The following ACACA variants were observed in gnomAD, a reference collection of about 807,000 sequenced individuals.
The protein encoded by ACACA is acetyl-CoA carboxylase 1.
In ACACA, 103 loss-of-function variants were observed where a neutral mutation model predicts 296.1. The observed-to-expected ratio is 0.35, with a 90% CI of 0.30 to 0.41. The LOEUF (loss-of-function observed/expected upper bound fraction) is 0.41, where lower values mean the gene tolerates loss of function less well. ACACA is among the 10% of genes least tolerant of loss of function. The pLI is 1.00. For missense variants in ACACA, 1,554 were observed against 2,989.7 expected, an observed-to-expected ratio of 0.52 and a Z score of 11.20; for synonymous variants, 953 against 1,038.6, an observed-to-expected ratio of 0.92 and a Z score of 1.58.
chr17:37,336,494 C>T (rs1183004504), intron 2 of ACACA, among the ~76,000 whole-genome samples: 3 of 152,162 alleles, frequency 2.0e-5, no homozygotes, highest in Non-Finnish European at 4.4e-5. Flanking sequence ...AGAGAGCTCA[C>T]TAAAATGCTA....
chr17:37,371,355 C>T (rs1402526491), intron 1 of ACACA, among the ~76,000 whole-genome samples: 10 of 151,852 alleles, frequency 6.6e-5, no homozygotes, highest in East Asian at 3.9e-4. Flanking sequence ...CTGGGATACA[C>T]GCATGAGCCA....
At position 37,235,021 on chromosome 17, in the gene ACACA, G is replaced by C. The variant is rs773768828; in HGVS notation, c.3200C>G (p.Ser1067Cys). ...ATTCTTCTTGGTGACTTGAGCGTGA[G>C]AGAAGATGTAGTTCAGTACAGTGTT... ...DMNTVLNYIF[S>C]HAQVTKKNLL... Residue 1067 changes from serine to cysteine, a missense_variant, in exon 25 of 56, where the codon TCT becomes TGT. Transcript: ENST00000616317. 4 of 1,613,858 alleles carry C rather than the reference G, an allele frequency of 2.5e-6. No homozygotes were observed. In the East Asian group the frequency reaches 8.9e-5, roughly 36 times the overall value.
chr17:37,169,855 T>G (rs1377679657), intron 41 of ACACA, among the ~76,000 whole-genome samples: 1 of 152,146 alleles, frequency 6.6e-6, no homozygotes, highest in Non-Finnish European at 1.5e-5. Context: ...GACTAAGAGC[T>G]GAAGGAAGAT....
At chr17:37,169,067 G>T (rs2076791818) in intron 41 of ACACA, among the ~76,000 whole-genome samples, 2 of 152,160 alleles carry the variant, frequency 1.3e-5, no homozygotes, top group African/African-American at 4.8e-5. Context: ...GCACTGATAG[G>T]CAGGGAAGGT....
intron 47 of ACACA, among the ~76,000 whole-genome samples, chr17:37,127,160 C>T (rs2074829070): frequency 6.6e-6 from 1 of 152,098 alleles, no homozygotes; most frequent in Non-Finnish European, 1.5e-5. Context: ...GGATAATGCC[C>T]ACCTACACAC....
intron 1 of ACACA, among the ~76,000 whole-genome samples, chr17:37,378,947 T>C (rs1278007013): frequency 6.6e-6 from 1 of 152,016 alleles, no homozygotes; most frequent in Non-Finnish European, 1.5e-5. Context: ...TGTAGTCCCA[T>C]AGTCACAGCT....
At chr17:37,098,328 CCT>C (rs1401741188) in intron 52 of ACACA, among the ~76,000 whole-genome samples, 3 of 152,190 alleles carry the variant, frequency 2.0e-5, no homozygotes, top group Non-Finnish European at 4.4e-5. Flanking sequence ...TCCTCCTTCC[CCT>C]GAGGCCAGTA....
chr17:37,165,117 ACCCCG>A (rs1216868808), intron 41 of ACACA, among the ~76,000 whole-genome samples: 1 of 94,738 alleles, frequency 1.1e-5, no homozygotes. Flanking sequence ...CCGCCTCCCC[ACCCCG>A]CCCCGCCCCC....
At chr17:37,382,728 C>T (rs1444320088) in intron 1 of ACACA, among the ~76,000 whole-genome samples, 6 of 152,178 alleles carry the variant, frequency 3.9e-5, no homozygotes, top group African/African-American at 9.6e-5. Flanking sequence ...GGCATGGTGG[C>T]GTGTGCCTGT....
At chr17:37,100,832 C>T (rs1028649119) in intron 52 of ACACA, among the ~76,000 whole-genome samples, 3 of 152,110 alleles carry the variant, frequency 2.0e-5, no homozygotes, top group Admixed American at 2.0e-4. Context: ...CGGGGTGGCT[C>T]ACACCTGTAA....
At chr17:37,268,743 A>ATCTATCTATCTATCTATC (rs1260971683) in intron 10 of ACACA, among the ~76,000 whole-genome samples, 9 of 102,050 alleles carry the variant, frequency 8.8e-5, no homozygotes, top group South Asian at 3.3e-4. Flanking sequence ...CTATCTATCT[A>ATCTATCTATCTATCTATC]TATATATATA....
chr17:37,351,261 A>G (rs1201178744), intron 1 of ACACA, among the ~76,000 whole-genome samples: 1 of 152,218 alleles, frequency 6.6e-6, no homozygotes, highest in East Asian at 1.9e-4. Context: ...CAGGGGTTCA[A>G]GACCAGCCTG....
At chr17:37,335,762 T>C (rs1052420161) in intron 2 of ACACA, among the ~76,000 whole-genome samples, 2 of 152,158 alleles carry the variant, frequency 1.3e-5, no homozygotes, top group Non-Finnish European at 2.9e-5. Flanking sequence ...GCTGATACCC[T>C]GGTCACCTTG....
At chr17:37,311,742 C>T (rs1284375854) in intron 3 of ACACA, among the ~76,000 whole-genome samples, 2 of 151,546 alleles carry the variant, frequency 1.3e-5, no homozygotes, top group Non-Finnish European at 1.5e-5. Context: ...CATGGTGGCG[C>T]GCACCTGTAA....
At chr17:37,088,357 A>G (rs1185205632) in intron 55 of ACACA, among the ~76,000 whole-genome samples, 1 of 152,216 alleles carries the variant, frequency 6.6e-6, no homozygotes, top group Non-Finnish European at 1.5e-5. Flanking sequence ...GTATACACAT[A>G]TGGGAGGGCA....
Position 37,201,539 on chromosome 17 carries a change from G to A in ACACA, c.4057-1056C>T, listed in dbSNP as rs191466436. Among the ~76,000 whole-genome samples the A allele has an allele frequency of 1.4e-3, 218 of 152,078 alleles. 1 individual carries two copies. The highest frequency in any genetic ancestry group is 4.9e-3 in the African/African-American group (205 of 41,472). On this transcript the variant is annotated intron_variant, in intron 33 of 55. Transcript: ENST00000616317. The stretch of plus-strand genomic sequence containing the variant: ...TTCCTCTTCCCTATACTGTTCACTT[G>A]CTTCAAAAGGCAGGGACAAAGAAAC...
At chr17:37,145,215 G>A (rs942984192) in intron 45 of ACACA, among the ~76,000 whole-genome samples, 5 of 152,204 alleles carry the variant, frequency 3.3e-5, no homozygotes, top group African/African-American at 1.2e-4. Flanking sequence ...CTCTGCAAAT[G>A]TCCAGTGGCA....
rs1403042077 is a variant in ACACA, at chr17:37,222,112, C to A, written c.3565-270G>T. 5 of 487,714 alleles carry A rather than the reference C, an allele frequency of 1.0e-5. No individual in the cohort carries two copies. The East Asian group carries it at 1.9e-4, about 19-fold the overall frequency. 30.2% of individuals were successfully genotyped at this position (487,714 alleles called of 1,614,324 possible). On this transcript the variant is annotated intron_variant, in intron 28 of 55. Coordinates refer to ENST00000616317, the MANE Select transcript of ACACA (RefSeq NM_198834.3). ...AAACCTTCTTCCACACTAACCTAAA[C>A]CCTGGAGAAGGTTTAATCTTTAGCA...
chr17:37,342,448 T>C (rs1236304762), intron 1 of ACACA, among the ~76,000 whole-genome samples: 4 of 120,172 alleles, frequency 3.3e-5, no homozygotes, highest in African/African-American at 1.4e-4. Context: ...TATATATATA[T>C]ATATATATAT....
Sources: gnomAD v4.1 joint callset for allele counts (sites outside exome capture counted in the v4.1 genomes callset) on GRCh38, gnomAD v4.1.1 for gene constraint, MANE v1.5 for transcripts, NCBI Gene and HGNC (gene_info 2026-07-23, HGNC 2026-07-21) for gene names.